The following FXR1 variants were observed in gnomAD, a reference collection of about 807,000 sequenced individuals.
FXR1 encodes the protein RNA-binding protein FXR1.
In FXR1, 15 loss-of-function variants were observed where a neutral mutation model predicts 84.0. That is an observed-to-expected ratio of 0.18 (90% confidence interval 0.12 to 0.27). The LOEUF (loss-of-function observed/expected upper bound fraction) is 0.27, where lower values mean the gene tolerates loss of function less well. Ranked by LOEUF, FXR1 falls within the 10% of genes least tolerant of loss-of-function variation. The pLI is 1.00. For synonymous variants in FXR1, 245 were observed against 250.7 expected, an observed-to-expected ratio of 0.98 and a Z score of 0.21; for missense variants, 480 against 774.4, an observed-to-expected ratio of 0.62 and a Z score of 4.51.
chr3:180,926,821 G>A (rs1447034052), intron 1 of FXR1, among the ~76,000 whole-genome samples: 1 of 151,736 alleles, frequency 6.6e-6, no homozygotes, highest in Non-Finnish European at 1.5e-5. Flanking sequence ...GCATCAGTGG[G>A]TCTTAAAAAA....
intron 1 of FXR1, chr3:180,915,384 A>T (rs572385160): frequency 4.5e-6 from 3 of 668,914 alleles, no homozygotes; most frequent in Admixed American, 3.1e-5. Context: ...TTCTGTCCCC[A>T]TAGTTTTTCT....
chr3:180,950,686 G>A (rs1380658710), intron 7 of FXR1, among the ~76,000 whole-genome samples: 1 of 151,848 alleles, frequency 6.6e-6, no homozygotes, highest in Non-Finnish European at 1.5e-5. Flanking sequence ...ATTTTCTGTT[G>A]CTATAAATTT....
At chr3:180,918,683 T>C (rs969090454) in intron 1 of FXR1, among the ~76,000 whole-genome samples, 6 of 152,218 alleles carry the variant, frequency 3.9e-5, no homozygotes, top group African/African-American at 1.4e-4. Flanking sequence ...TTTTTTCATA[T>C]GCAGTATGAA....
intron 2 of FXR1, among the ~76,000 whole-genome samples, chr3:180,933,964 T>A (rs1019749763): frequency 3.3e-4 from 48 of 146,690 alleles, no homozygotes; most frequent in African/African-American, 1.0e-3. Flanking sequence ...TACAAAAAAA[T>A]TAGCTAGTCA....
intron 14 of FXR1, 30 bp from the exon 15 acceptor site, chr3:180,970,128 G>T: frequency 8.0e-7 from 1 of 1,242,944 alleles, no homozygotes; most frequent in Non-Finnish European, 1.2e-6. Context: ...ACTCTTAAAC[G>T]AATATTTCTT....
chr3:180,935,241 T>C lies in FXR1; in HGVS notation c.198+10T>C, dbSNP rs2108446304. ...AGGAGATGAAGTAGAGGTATGTATT[T>C]TTAAGTTTATTTTCTTGTGTCTATT... On this transcript the variant is annotated intron_variant, in intron 3 of 16. Coordinates refer to ENST00000357559, the MANE Select transcript of FXR1 (RefSeq NM_005087.4). The C allele has an allele frequency of 8.7e-7, 1 of 1,144,654 alleles. No homozygotes were observed. The highest frequency in any genetic ancestry group is 1.3e-5 in the South Asian group (1 of 78,254). 70.9% of individuals were successfully genotyped at this position (1,144,654 alleles called of 1,614,324 possible). A position where few individuals can be genotyped will look rare whatever the true frequency, so the allele number is the denominator to read the frequency against.
At chr3:180,929,710 G>A (rs891709079) in intron 1 of FXR1, among the ~76,000 whole-genome samples, 58 of 152,170 alleles carry the variant, frequency 3.8e-4, no homozygotes, top group African/African-American at 1.4e-3. Flanking sequence ...TTGAGCAGGC[G>A]GGGAGACCTA....
rs1714255812 is a variant in FXR1 at position 180,976,472 on chromosome 3, T to C, written c.*180T>C. 2.2e-6 allele frequency: 1 copy of C among 459,262 alleles called. No individual in the cohort carries two copies. Among genetic ancestry groups the C allele is most frequent in the Admixed American group, 4.0e-5 (1 of 24,708 alleles). The allele number at this position is 459,262 out of a possible 1,614,324, so 28.4% of individuals were successfully genotyped here. On this transcript the variant is annotated 3_prime_UTR_variant, in exon 17 of 17. Coordinates refer to ENST00000357559, the MANE Select transcript of FXR1 (RefSeq NM_005087.4). The stretch of plus-strand genomic sequence containing the variant: ...CATATGTTAAACATACTTTGACACC[T>C]ACTGTGTTATAAAATATATCATCAG...
rs1714670756 is a variant in FXR1, at chr3:180,982,723, T to G, written c.*6431T>G. The G allele has an allele frequency of 6.6e-6, 1 of 152,162 alleles. No homozygotes were observed. Among genetic ancestry groups the G allele is most frequent in the Non-Finnish European group, 1.5e-5 (1 of 67,994 alleles). The allele number at this position is 152,162 out of a possible 1,614,324, so 9.4% of individuals were successfully genotyped here. On this transcript the variant is annotated 3_prime_UTR_variant, in exon 17 of 17. Coordinates refer to ENST00000357559, the MANE Select transcript of FXR1 (RefSeq NM_005087.4). ...GAGAAACATTTTTTGATTTGTCCAA[T>G]GGACTGAAATAAAAGGTTAGTAAAC...
At chr3:180,932,314 A>G (rs1429609042) in intron 1 of FXR1, among the ~76,000 whole-genome samples, 2 of 152,164 alleles carry the variant, frequency 1.3e-5, no homozygotes, top group African/African-American at 2.4e-5. Flanking sequence ...TGTTTTAGAA[A>G]AGTATTTCCT....
chr3:180,967,936 T>C (rs1181212253), intron 13 of FXR1, 115 bp from the exon 14 acceptor site: 1 of 674,878 alleles, frequency 1.5e-6, no homozygotes, highest in East Asian at 2.7e-5. Flanking sequence ...GATCTTTCTT[T>C]GAAGCAGCCA....
intron 15 of FXR1, chr3:180,970,592 G>A (rs1404356909): frequency 6.3e-6 from 1 of 159,170 alleles, no homozygotes; most frequent in Non-Finnish European, 1.4e-5. Flanking sequence ...GAGGGTTAAA[G>A]TGCCCTTTGA....
At chr3:180,918,138 T>C (rs1285211099) in intron 1 of FXR1, among the ~76,000 whole-genome samples, 1 of 152,104 alleles carries the variant, frequency 6.6e-6, no homozygotes, top group Non-Finnish European at 1.5e-5. Context: ...TTCCGTATTT[T>C]TACTTTTATG....
chr3:180,965,756 T>TA (rs1157180077), intron 13 of FXR1, among the ~76,000 whole-genome samples: 1 of 152,178 alleles, frequency 6.6e-6, no homozygotes, highest in Non-Finnish European at 1.5e-5. Context: ...TATTAACAGT[T>TA]ATTTAATATG....
intron 1 of FXR1, among the ~76,000 whole-genome samples, chr3:180,926,085 A>G (rs1259131784): frequency 6.6e-6 from 1 of 152,242 alleles, no homozygotes; most frequent in African/African-American, 2.4e-5. Context: ...GAATTAAGCC[A>G]TGAACTGCAC....
At chr3:180,954,931 TA>T (rs1476225201) in intron 9 of FXR1, among the ~76,000 whole-genome samples, 2 of 150,390 alleles carry the variant, frequency 1.3e-5, no homozygotes, top group Non-Finnish European at 3.0e-5. Context: ...AAAAGTAGTT[TA>T]AAACACAGGA....
chr3:180,972,123 A>G (rs1328599985), intron 15 of FXR1, among the ~76,000 whole-genome samples: 2 of 152,204 alleles, frequency 1.3e-5, no homozygotes, highest in South Asian at 2.1e-4. Flanking sequence ...TGTCCAGAAA[A>G]TATTTGTTTT....
In FXR1 at chr3:180,981,471, T is replaced by G. The variant is rs756699358; in HGVS notation, c.*5179T>G. 1 of 152,090 alleles carries G rather than the reference T, an allele frequency of 6.6e-6. No homozygotes were observed. 9.4% of individuals were successfully genotyped at this position (152,090 alleles called of 1,614,324 possible). On this transcript the variant is annotated 3_prime_UTR_variant, in exon 17 of 17. Transcript: ENST00000357559. ...AGTTAACTTCCAGGACAACCCATTATAGCTCACTTCTTACCAACAAAGCAG... is the reference window on the plus strand; with the variant it reads ...AGTTAACTTCCAGGACAACCCATTAGAGCTCACTTCTTACCAACAAAGCAG...
chr3:180,933,684 A>G (rs576006666), intron 2 of FXR1, among the ~76,000 whole-genome samples: 2 of 152,188 alleles, frequency 1.3e-5, no homozygotes, highest in African/African-American at 4.8e-5. Context: ...AGAATTTTCA[A>G]ATGAGGTTGT....
Sources: gnomAD v4.1 joint callset for allele counts (sites outside exome capture counted in the v4.1 genomes callset) on GRCh38, gnomAD v4.1.1 for gene constraint, MANE v1.5 for transcripts, NCBI Gene and HGNC (gene_info 2026-07-23, HGNC 2026-07-21) for gene names.